Variants in ELOVL5 observed in about 807,000 individuals in gnomAD.
ELOVL5 encodes very long chain fatty acid elongase 5.
Under a neutral mutation model 38.6 loss-of-function variants are expected in ELOVL5, and 8 were observed. That is an observed-to-expected ratio of 0.21 (90% confidence interval 0.12 to 0.37). The LOEUF (loss-of-function observed/expected upper bound fraction) is 0.37, where lower values mean the gene tolerates loss of function less well. Ranked by LOEUF, ELOVL5 falls within the 10% of genes least tolerant of loss-of-function variation. ELOVL5 has a pLI of 1.00. For synonymous variants in ELOVL5, 127 were observed against 133.7 expected (o/e 0.95, Z 0.34); for missense variants, 280 against 367.8 (o/e 0.76, Z 1.95).
intron 3 of ELOVL5, among the ~76,000 whole-genome samples, chr6:53,281,774 C>A (rs554901528): frequency 6.6e-6 from 1 of 151,336 alleles, no homozygotes; most frequent in South Asian, 2.1e-4. Context: ...ATGTCCAGAG[C>A]ATAAGGATGC....
chr6:53,303,816 A>G (rs1162114561), intron 1 of ELOVL5, among the ~76,000 whole-genome samples: 6 of 152,180 alleles, frequency 3.9e-5, no homozygotes, highest in Non-Finnish European at 7.4e-5. Context: ...ATCGCTGGAG[A>G]AGGACATCCT....
intron 1 of ELOVL5, among the ~76,000 whole-genome samples, chr6:53,333,269 C>G (rs1335030900): frequency 6.6e-6 from 1 of 152,226 alleles, no homozygotes; most frequent in East Asian, 1.9e-4. Context: ...CATTAGTTCA[C>G]AGCCACAGAA....
chr6:53,280,810 G>A (rs931546904), intron 3 of ELOVL5, among the ~76,000 whole-genome samples: 16 of 152,150 alleles, frequency 1.1e-4, no homozygotes, highest in African/African-American at 3.9e-4. Context: ...GCGCAGGCTG[G>A]TCTTAAACTC....
intron 1 of ELOVL5, among the ~76,000 whole-genome samples, chr6:53,331,051 G>A (rs1456553876): frequency 1.3e-5 from 2 of 152,208 alleles, no homozygotes; most frequent in East Asian, 3.9e-4. Flanking sequence ...TTAAAATAAT[G>A]ACAGGCAGTG....
chr6:53,304,495 G>A (rs1767399517), intron 1 of ELOVL5, among the ~76,000 whole-genome samples: 1 of 152,024 alleles, frequency 6.6e-6, no homozygotes, highest in Non-Finnish European at 1.5e-5. Context: ...TTCTCGCAGA[G>A]GGGGATTTGG....
chr6:53,336,043 A>T (rs562024403), intron 1 of ELOVL5, among the ~76,000 whole-genome samples: 1 of 152,172 alleles, frequency 6.6e-6, no homozygotes, highest in Non-Finnish European at 1.5e-5. Flanking sequence ...TATTCAAACC[A>T]CTATTATTTT....
chr6:53,311,875 G>A (rs948350917), intron 1 of ELOVL5, among the ~76,000 whole-genome samples: 3 of 152,160 alleles, frequency 2.0e-5, no homozygotes, highest in African/African-American at 7.2e-5. Context: ...ACAATGCTCT[G>A]CAATTAGATA....
At chr6:53,303,228 G>T (rs373594818) in intron 1 of ELOVL5, among the ~76,000 whole-genome samples, 7 of 152,264 alleles carry the variant, frequency 4.6e-5, no homozygotes, top group South Asian at 2.1e-4. Context: ...ATGTCGTGAA[G>T]ACCATAAAGG....
Position 53,316,931 on chromosome 6 carries a change from T to C in ELOVL5, c.-8-21224A>G, listed in dbSNP as rs368363680. On this transcript the variant is annotated intron_variant, in intron 1 of 7. Transcript: ENST00000304434. The stretch of plus-strand genomic sequence containing the variant: ...CTGTTCGATTAGGAGGCATGTCATA[T>C]AGTTTGAATTAGTGGAGTGCAAGTT... Among the ~76,000 whole-genome samples, 3 of 152,344 alleles carry C rather than the reference T, an allele frequency of 2.0e-5. No homozygotes were observed. In the South Asian group the frequency reaches 6.2e-4, roughly 32 times the overall value.
chr6:53,319,203 G>A (rs1361955392), intron 1 of ELOVL5, among the ~76,000 whole-genome samples: 4 of 148,290 alleles, frequency 2.7e-5, no homozygotes, highest in Non-Finnish European at 5.9e-5. Flanking sequence ...CCCGGTAGGC[G>A]GAGCTTGCAG....
chr6:53,332,541 C>T (rs1768849183), intron 1 of ELOVL5, among the ~76,000 whole-genome samples: 1 of 152,044 alleles, frequency 6.6e-6, no homozygotes, highest in East Asian at 1.9e-4. Context: ...GTTATACATA[C>T]AAACATATAC....
At chr6:53,271,371 GAA>G (rs1765914893) in intron 6 of ELOVL5, among the ~76,000 whole-genome samples, 1 of 152,188 alleles carries the variant, frequency 6.6e-6, no homozygotes, top group Admixed American at 6.5e-5. Context: ...CCAAAATGGT[GAA>G]ACCCTGTCTC....
At chr6:53,345,423 T>G (rs1415845399) in intron 1 of ELOVL5, among the ~76,000 whole-genome samples, 4 of 152,200 alleles carry the variant, frequency 2.6e-5, no homozygotes, top group Non-Finnish European at 5.9e-5. Flanking sequence ...TTCTCAGATA[T>G]AAAGATATAA....
At chr6:53,321,866 C>T (rs1768315911) in intron 1 of ELOVL5, among the ~76,000 whole-genome samples, 1 of 152,172 alleles carries the variant, frequency 6.6e-6, no homozygotes, top group South Asian at 2.1e-4. Context: ...GCTGTGTGTG[C>T]TCTGCTTGCC....
rs767896939 is a variant in ELOVL5, at chr6:53,276,237, T to G, written c.266A>C (p.Glu89Ala). The G allele has an allele frequency of 3.1e-6, 5 of 1,612,496 alleles. No homozygotes were observed. The highest frequency in any genetic ancestry group is 4.2e-6 in the Non-Finnish European group (5 of 1,178,568). ...MFCELVTGVW[E>A]GKYNFFCQGT... is the part of the protein sequence containing the mutation. ...CTGACAGAAGAAGTTGTATTTGCCT[T>G]CCCATACTCCTGTTACTAACTAAAA... The change falls in exon 4 of 8, where the codon GAA becomes GCA. Residue 89 changes from glutamate (E) to alanine (A), a missense_variant. Physicochemically the swap from Glu to Ala is moderately radical, Grantham distance 107. Coordinates refer to ENST00000304434, the MANE Select transcript of ELOVL5 (RefSeq NM_021814.5).
At chr6:53,331,733 C>A (rs1215081746) in intron 1 of ELOVL5, among the ~76,000 whole-genome samples, 4 of 152,132 alleles carry the variant, frequency 2.6e-5, no homozygotes, top group Admixed American at 2.6e-4. Context: ...TTAAAATGGT[C>A]ATTTTGGAAA....
At chr6:53,274,235 C>G (rs1023075595) in intron 5 of ELOVL5, among the ~76,000 whole-genome samples, 10 of 126,052 alleles carry the variant, frequency 7.9e-5, no homozygotes, top group African/African-American at 3.9e-4. Context: ...TGAGCTCTGA[C>G]AGTGGGAGGA....
In ELOVL5 at chr6:53,275,222, T is replaced by C. The variant is rs1402208494; in HGVS notation, c.364A>G (p.Ile122Val). 5.6e-6 allele frequency: 9 copies of C among 1,614,150 alleles called. No homozygotes were observed. The highest frequency in any genetic ancestry group is 1.1e-5 in the South Asian group (1 of 91,076). Residue 122 changes from isoleucine to valine, a missense_variant, in exon 5 of 8, where the codon ATA becomes GTA. Around this residue, in one of 3 missense-constraint regions of ELOVL5, gnomAD observed 150 missense variants for 178.0 expected, o/e 0.84. Coordinates refer to ENST00000304434, the MANE Select transcript of ELOVL5 (RefSeq NM_021814.5). ...VLWWYYFSKL[I>V]EFMDTFFFIL... ...AAGAAGAAAGTGTCCATAAATTCTA[T>C]GAGTTTGGAGAAGTAGTACCACCAG...
intron 6 of ELOVL5, among the ~76,000 whole-genome samples, chr6:53,272,388 C>T (rs1051154237): frequency 5.3e-5 from 8 of 152,004 alleles, no homozygotes; most frequent in African/African-American, 1.7e-4. Flanking sequence ...CCTCCTGCCT[C>T]GACCTCCCAA....
Sources: allele counts gnomAD v4.1 joint callset (sites outside exome capture counted in the v4.1 genomes callset), GRCh38; gene constraint gnomAD v4.1.1; regional missense constraint gnomAD v4.1.1; transcripts MANE v1.5; gene names NCBI Gene and HGNC (gene_info 2026-07-23, HGNC 2026-07-21).